The following LUC7L variants were observed in gnomAD, a reference collection of about 807,000 sequenced individuals.
LUC7L encodes putative RNA-binding protein Luc7-like 1.
A neutral mutation model predicts 51.1 loss-of-function variants in LUC7L; 29 were observed. The ratio of observed to expected loss-of-function variants is 0.57; its 90% CI spans 0.42 to 0.77. The LOEUF (loss-of-function observed/expected upper bound fraction) is 0.77, where lower values mean the gene tolerates loss of function less well. Ranked by LOEUF, LUC7L falls within the 30% of genes least tolerant of loss-of-function variation. The pLI is 0.00. For synonymous variants in LUC7L, 181 were observed against 180.7 expected, an observed-to-expected ratio of 1.00 and a Z score of -0.01; for missense variants, 403 against 511.9, an observed-to-expected ratio of 0.79 and a Z score of 2.05.
chr16:191,384 C>G (rs77733638), intron 7 of LUC7L, among the ~76,000 whole-genome samples: 4 of 152,174 alleles, frequency 2.6e-5, no homozygotes, highest in Non-Finnish European at 5.9e-5. Flanking sequence ...ATTCTATGCC[C>G]GTAAGCCATT....
At chr16:219,705 T>C (rs971920592) in intron 3 of LUC7L, among the ~76,000 whole-genome samples, 4 of 151,982 alleles carry the variant, frequency 2.6e-5, no homozygotes, top group Admixed American at 2.6e-4. Flanking sequence ...AAACACCATC[T>C]CTACTAAAAA....
intron 5 of LUC7L, among the ~76,000 whole-genome samples, chr16:201,276 AAAC>A (rs2142059981): frequency 6.6e-6 from 1 of 151,598 alleles, no homozygotes; most frequent in East Asian, 1.9e-4. Context: ...ACTTAAGCAA[AAAC>A]AATATTGTGG....
intron 5 of LUC7L, among the ~76,000 whole-genome samples, chr16:200,789 A>G (rs1036003990): frequency 2.0e-5 from 3 of 151,514 alleles, no homozygotes; most frequent in African/African-American, 7.3e-5. Context: ...GACTGATTCG[A>G]GAGGACTGCT....
intron 4 of LUC7L, among the ~76,000 whole-genome samples, chr16:206,721 T>C (rs1434558155): frequency 6.6e-6 from 1 of 152,044 alleles, no homozygotes; most frequent in Non-Finnish European, 1.5e-5. Context: ...GACCATTTCC[T>C]TACCAATTCT....
In LUC7L at chr16:189,187, G is replaced by C; in HGVS notation, c.*11C>G. The C allele has an allele frequency of 1.2e-6, 2 of 1,610,332 alleles. No individual in the cohort carries two copies. The highest frequency in any genetic ancestry group is 1.7e-6 in the Non-Finnish European group (2 of 1,177,630). ...GTTTATCAGACTATTTACAGCACCC[G>C]GGAGACGGGTTCAGATCTCGCCGGC... On this transcript the variant is annotated 3_prime_UTR_variant, in exon 10 of 10. Coordinates refer to ENST00000293872, the MANE Select transcript of LUC7L (RefSeq NM_201412.3).
intron 2 of LUC7L, among the ~76,000 whole-genome samples, chr16:224,561 G>A (rs1596687135): frequency 6.6e-6 from 1 of 151,712 alleles, no homozygotes; most frequent in East Asian, 1.9e-4. Context: ...CAGGCGCGGT[G>A]GCTCATGCCT....
At chr16:194,534 A>G (rs577900596) in intron 6 of LUC7L, among the ~76,000 whole-genome samples, 1 of 152,338 alleles carries the variant, frequency 6.6e-6, no homozygotes, top group Admixed American at 6.5e-5. Context: ...CTTTATGGTA[A>G]AAAAGGACGG....
chr16:216,145 G>A lies in LUC7L; in HGVS notation c.255+4504C>T, dbSNP rs993461073. On this transcript the variant is annotated intron_variant, in intron 3 of 9. Coordinates refer to ENST00000293872, the MANE Select transcript of LUC7L (RefSeq NM_201412.3). ...GCCTCCCGAGTAGCTGGGATTATAG[G>A]TGCCCAGCACCACGCCCGGCTAATT... is the stretch of plus-strand genomic sequence containing the variant. Among the ~76,000 whole-genome samples, 5 of 152,008 alleles carry A rather than the reference G, an allele frequency of 3.3e-5. No individual in the cohort carries two copies. The Middle Eastern group carries it at 0.01, about 310-fold the overall frequency.
chr16:225,176 G>A (rs556949527), intron 2 of LUC7L, among the ~76,000 whole-genome samples: 6 of 152,150 alleles, frequency 3.9e-5, no homozygotes, highest in African/African-American at 1.4e-4. Context: ...GGGCACCAAA[G>A]TTTCCGGAAC....
Position 189,248 on chromosome 16 carries a change from C to T in LUC7L, c.1066G>A (p.Gly356Arg), listed in dbSNP as rs763549951. The T allele has an allele frequency of 1.9e-6, 3 of 1,614,048 alleles. No homozygotes were observed. Among genetic ancestry groups the T allele is most frequent in the Admixed American group, 1.7e-5 (1 of 60,006 alleles). Residue 356 changes from glycine to arginine, a missense_variant, in exon 10 of 10, where the codon GGG becomes AGG. This residue lies in a region of LUC7L where 206 missense variants were observed against 218.3 expected (regional missense o/e 0.94). Transcript: ENST00000293872. The part of the protein sequence containing the change: ...PPDWRLESSN[G>R]KMASRRSEEK... ...TCTGACCTCCGTGAAGCCATCTTCC[C>T]GTTGGAGCTCTCAAGCCTCCAGTCC...
chr16:220,117 C>G (rs1258623710), intron 3 of LUC7L: 1 of 152,294 alleles, frequency 6.6e-6, no homozygotes, highest in Non-Finnish European at 1.5e-5. Flanking sequence ...TATAAACCAG[C>G]AATCCCTCTC....
At position 198,979 on chromosome 16, in the gene LUC7L, CA is replaced by C. The variant is rs2142053125; in HGVS notation, c.687+82del. The C allele has an allele frequency of 2.1e-6, 3 of 1,411,016 alleles. No homozygotes were observed. In the South Asian group the frequency reaches 4.7e-5, roughly 22 times the overall value. 87.4% of individuals were successfully genotyped at this position (1,411,016 alleles called of 1,614,324 possible). On this transcript the variant is annotated intron_variant, in intron 6 of 9. Transcript: ENST00000293872. ...ATAGGCATCAGCCACCACGCCCGGC[CA>C]AAACATAAGGTTTTTAAAAATTAAA...
At chr16:198,673 G>C (rs181034559) in intron 6 of LUC7L, among the ~76,000 whole-genome samples, 78 of 152,200 alleles carry the variant, frequency 5.1e-4, no homozygotes, top group Middle Eastern at 6.8e-3. Context: ...AGTTCTTAGA[G>C]ATCAGAACAT....
intron 3 of LUC7L, among the ~76,000 whole-genome samples, chr16:216,548 G>A (rs745737223): frequency 7.3e-5 from 11 of 151,350 alleles, no homozygotes; most frequent in Non-Finnish European, 1.5e-4. Context: ...ATGACCGGCT[G>A]ATTTTTGTAT....
chr16:215,705 C>T (rs1421946697), intron 3 of LUC7L, among the ~76,000 whole-genome samples: 2 of 151,062 alleles, frequency 1.3e-5, no homozygotes, highest in African/African-American at 4.9e-5. Context: ...CAGGAGGCTG[C>T]GGTGGGAAAA....
Position 229,420 on chromosome 16 carries a change from C to A in LUC7L, c.-81G>T. ...GGCAGCGGCGTCGACAAACGATGGTCGCGTCGGCCTCGAGCCCACTCGGCT... is the reference window on the plus strand; with the variant it reads ...GGCAGCGGCGTCGACAAACGATGGTAGCGTCGGCCTCGAGCCCACTCGGCT... On this transcript the variant is annotated 5_prime_UTR_variant, in exon 1 of 10. Transcript: ENST00000293872. The A allele has an allele frequency of 7.7e-7, 1 of 1,295,190 alleles. No individual in the cohort carries two copies. Among genetic ancestry groups the A allele is most frequent in the South Asian group, 1.5e-5 (1 of 65,730 alleles). 80.2% of individuals were successfully genotyped at this position (1,295,190 alleles called of 1,614,324 possible). A position where few individuals can be genotyped will look rare whatever the true frequency, so the allele number is the denominator to read the frequency against.
At position 189,408 on chromosome 16, in the gene LUC7L, C is replaced by T. The variant is rs140586648; in HGVS notation, c.975-69G>A. 1,008 of 1,528,788 alleles carry T rather than the reference C, an allele frequency of 6.6e-4. 8 individuals are homozygous for T. Among genetic ancestry groups the T allele is most frequent in the East Asian group, 2.1e-4 (9 of 43,826 alleles). The allele number at this position is 1,528,788 out of a possible 1,614,324, so 94.7% of individuals were successfully genotyped here. A position where few individuals can be genotyped will look rare whatever the true frequency, so the allele number is the denominator to read the frequency against. On this transcript the variant is annotated intron_variant, in intron 9 of 9. Coordinates refer to ENST00000293872, the MANE Select transcript of LUC7L (RefSeq NM_201412.3). Reference sequence around the variant, plus strand: ...CTTCTGCTGGCCGCTCAGGCACTGACGATGGACCCGCAGACCAGGCCAGGC... The same window carrying T: ...CTTCTGCTGGCCGCTCAGGCACTGATGATGGACCCGCAGACCAGGCCAGGC...
intron 3 of LUC7L, among the ~76,000 whole-genome samples, chr16:214,881 A>G (rs1298857344): frequency 2.6e-5 from 4 of 152,162 alleles, no homozygotes; most frequent in Non-Finnish European, 4.4e-5. Flanking sequence ...CTTTCTTAGG[A>G]TAGAGATTTC....
At chr16:228,997 G>A in intron 1 of LUC7L, 1 of 1,438,282 alleles carries the variant, frequency 7.0e-7, no homozygotes, top group South Asian at 1.3e-5. Flanking sequence ...CGGAGCCGCG[G>A]CGCCCGCCGG....
Sources: allele counts gnomAD v4.1 joint callset (sites outside exome capture counted in the v4.1 genomes callset), GRCh38; gene constraint gnomAD v4.1.1; regional missense constraint gnomAD v4.1.1; transcripts MANE v1.5; gene names NCBI Gene and HGNC (gene_info 2026-07-23, HGNC 2026-07-21).